The following TIAM1 variants were observed in gnomAD, a reference collection of about 807,000 sequenced individuals.
The protein encoded by TIAM1 is rho guanine nucleotide exchange factor TIAM1.
Under a neutral mutation model 163.5 loss-of-function variants are expected in TIAM1, and 65 were observed. That is an observed-to-expected ratio of 0.40 (90% CI 0.33 to 0.49). The LOEUF (loss-of-function observed/expected upper bound fraction) is 0.49. Among genes scored for constraint, TIAM1 ranks in the 20% least tolerant of loss-of-function variants. The probability of loss-of-function intolerance (pLI) is 0.77; values close to 1 mark genes in which losing one functional copy is unlikely to be tolerated. For missense variants in TIAM1, 1,789 were observed against 2,044.7 expected (o/e 0.87, Z 2.41); for synonymous variants, 833 against 810.1 (o/e 1.03, Z -0.48).
chr21:31,152,526 T>A, intron 19 of TIAM1, 110 bp downstream of exon 19: 1 of 1,458,948 alleles, frequency 6.9e-7, no homozygotes, highest in Non-Finnish European at 9.3e-7. Flanking sequence ...TCAGACACCC[T>A]TAGGAACAGA....
intron 1 of TIAM1, among the ~76,000 whole-genome samples, chr21:31,484,081 T>C (rs919989876): frequency 6.6e-6 from 1 of 152,134 alleles, no homozygotes. Context: ...TTCTACCAGG[T>C]GAGGACACGG....
intron 22 of TIAM1, among the ~76,000 whole-genome samples, chr21:31,140,502 A>G (rs1001104622): frequency 1.3e-5 from 2 of 152,242 alleles, no homozygotes; most frequent in African/African-American, 4.8e-5. Context: ...TATGTACTGT[A>G]TAACCCATCA....
intron 2 of TIAM1, among the ~76,000 whole-genome samples, chr21:31,362,523 G>A (rs2076425733): frequency 6.6e-6 from 1 of 151,608 alleles, no homozygotes; most frequent in African/African-American, 2.4e-5. Flanking sequence ...CTGGAGGGCA[G>A]TGGTGCAATC....
At chr21:31,262,142 A>G (rs1177883953) in intron 4 of TIAM1, among the ~76,000 whole-genome samples, 3 of 151,814 alleles carry the variant, frequency 2.0e-5, no homozygotes, top group African/African-American at 7.3e-5. Flanking sequence ...ACAACTAACA[A>G]CTCCTATTTA....
intron 8 of TIAM1, among the ~76,000 whole-genome samples, chr21:31,220,476 T>C (rs771724446): frequency 6.6e-5 from 10 of 152,176 alleles, no homozygotes; most frequent in Non-Finnish European, 1.5e-4. Context: ...TGTGCACATG[T>C]ACCCTAGAAC....
rs192225514 is a variant in TIAM1, at chr21:31,428,481, A to G, written c.-369+35502T>C. Among the ~76,000 whole-genome samples the G allele has an allele frequency of 1.8e-4, 27 of 152,322 alleles. No individual in the cohort carries two copies. The South Asian group carries it at 4.1e-3, about 23-fold the overall frequency. On this transcript the variant is annotated intron_variant, in intron 2 of 28. Coordinates refer to the TIAM1 transcript ENST00000286827. ...GATTCTCTCGAGGTTCAAAGCCACT[A>G]ATGTTTACTTGTTGCAAAGTCAATT...
chr21:31,497,413 T>C (rs1036566535), intron 1 of TIAM1, among the ~76,000 whole-genome samples: 8 of 152,064 alleles, frequency 5.3e-5, no homozygotes, highest in Non-Finnish European at 1.0e-4. Context: ...AATAAAAAAA[T>C]GCAAAATGAG....
At chr21:31,340,051 T>C (rs2075968345) in intron 1 of TIAM1, among the ~76,000 whole-genome samples, 1 of 151,940 alleles carries the variant, frequency 6.6e-6, no homozygotes, top group Admixed American at 6.6e-5. Context: ...TTGAAGCTGA[T>C]TCACTACCCA....
Position 31,488,110 on chromosome 21 carries a change from G to T in TIAM1, c.-421-24075C>A, listed in dbSNP as rs1393510549. 2.0e-5 allele frequency among the ~76,000 whole-genome samples: 3 copies of T among 152,220 alleles called. No individual in the cohort carries two copies. In the East Asian group the frequency reaches 5.8e-4, roughly 29 times the overall value. ...AAGTGCTGGGATTACAGGAAACCAGGGTTTTCATCCCCACTTCACAGCAGA... is the reference window on the plus strand; with the variant it reads ...AAGTGCTGGGATTACAGGAAACCAGTGTTTTCATCCCCACTTCACAGCAGA... On this transcript the variant is annotated intron_variant, in intron 1 of 28. Coordinates refer to the TIAM1 transcript ENST00000286827.
intron 2 of TIAM1, among the ~76,000 whole-genome samples, chr21:31,461,406 C>G (rs1025971581): frequency 6.6e-6 from 1 of 152,050 alleles, no homozygotes; most frequent in Non-Finnish European, 1.5e-5. Flanking sequence ...ATTGTTTGAA[C>G]CCGGGAGGCG....
At chr21:31,210,803 A>AAAGAAAGAAAGAAAGAAAGAAAGG (rs2086845063) in intron 10 of TIAM1, among the ~76,000 whole-genome samples, 2 of 143,966 alleles carry the variant, frequency 1.4e-5, no homozygotes, top group African/African-American at 2.8e-5. Flanking sequence ...AGAAAGAAAG[A>AAAGAAAGAAAGAAAGAAAGAAAGG]AAGAAAGAAA....
rs934689898 is a variant in TIAM1 at position 31,300,833 on chromosome 21, A to G, written c.-188-23925T>C. Among the ~76,000 whole-genome samples the G allele has an allele frequency of 3.3e-5, 5 of 152,382 alleles. No homozygotes were observed. The East Asian group carries it at 9.6e-4, about 29-fold the overall frequency. ...GAAAGGCACAAAGCAAATCAGAGTT[A>G]CCAAATAGAGATACGGTAAAATGCT... On this transcript the variant is annotated intron_variant, in intron 2 of 27. Transcript: ENST00000541036.
Position 31,202,956 on chromosome 21 carries a change from GTTT to G in TIAM1, c.2442_2444del (p.Glu814_Asn815delinsAsp). ...GCTGTGGAACATAGAGCTGCATTTT[GTTT>G]TCTATTAGAAATTTCAGGCGCAGGT... On this transcript the variant is annotated inframe_deletion, in exon 12 of 28. Transcript: ENST00000541036. 2 of 1,614,082 alleles carry G rather than the reference GTTT, an allele frequency of 1.2e-6. No individual in the cohort carries two copies.
Position 31,245,497 on chromosome 21 carries a change from G to T in TIAM1, c.1575C>A (p.Phe525Leu). The T allele has an allele frequency of 6.6e-7, 1 of 1,504,866 alleles. No individual in the cohort carries two copies. The highest frequency in any genetic ancestry group is 8.9e-7 in the Non-Finnish European group (1 of 1,119,770). The allele number at this position is 1,504,866 out of a possible 1,614,324, so 93.2% of individuals were successfully genotyped here. ...GAAGTGCCCAACAAACCTGAAAAAG[G>T]AAGGCATCACCCAGGGAATTGCTGA... ...FCLSNSLGDA[F>L]LFQTTSQTEL... Residue 525 changes from phenylalanine to leucine, a missense_variant, in exon 6 of 28, where the codon TTC (phenylalanine) becomes TTA (leucine). Phe to Leu is a conservative substitution (Grantham distance 22). Around this residue, in one of 5 missense-constraint regions of TIAM1, gnomAD observed 456 missense variants for 586.6 expected, o/e 0.78. Coordinates refer to ENST00000541036, the MANE Select transcript of TIAM1 (RefSeq NM_001353694.2).
chr21:31,242,860 C>CAAAAAAAAAA (rs11417948), intron 6 of TIAM1, among the ~76,000 whole-genome samples: 4 of 95,062 alleles, frequency 4.2e-5, no homozygotes, highest in Admixed American at 1.2e-4. Flanking sequence ...GACTCTGTCT[C>CAAAAAAAAAA]AAAAAAAAAA....
intron 6 of TIAM1, among the ~76,000 whole-genome samples, chr21:31,240,997 TAAGTCTCATGA>T (rs2071143183): frequency 6.6e-6 from 1 of 152,142 alleles, no homozygotes; most frequent in Admixed American, 6.5e-5. Context: ...CTCGTGATAG[TAAGTCTCATGA>T]AATCTGATGG....
At chr21:31,189,454 C>T (rs1473784608) in intron 13 of TIAM1, among the ~76,000 whole-genome samples, 1 of 152,042 alleles carries the variant, frequency 6.6e-6, no homozygotes, top group Non-Finnish European at 1.5e-5. Context: ...TTGTACCAGA[C>T]AACTGGGTAA....
intron 14 of TIAM1, 102 bp from the exon 15 acceptor site, chr21:31,182,747 GCCC>G: frequency 3.4e-6 from 4 of 1,187,736 alleles, no homozygotes; most frequent in Non-Finnish European, 4.6e-6. Flanking sequence ...GGGTCTCACA[GCCC>G]CAGGTGCTGC....
intron 2 of TIAM1, among the ~76,000 whole-genome samples, chr21:31,422,616 C>G (rs1255029354): frequency 1.3e-5 from 2 of 152,118 alleles, no homozygotes; most frequent in Non-Finnish European, 2.9e-5. Context: ...TCCAGCAACC[C>G]AAAACCAGAT....
Sources: gnomAD v4.1 joint callset for allele counts (sites outside exome capture counted in the v4.1 genomes callset) on GRCh38, gnomAD v4.1.1 for gene constraint, gnomAD v4.1.1 regional missense constraint, MANE v1.5 for transcripts, NCBI Gene and HGNC (gene_info 2026-07-23, HGNC 2026-07-21) for gene names.